Variants in WTIP observed in about 807,000 individuals in gnomAD.
WTIP encodes WT1 interacting protein, also known as Wilms tumor protein 1-interacting protein.
Under a neutral mutation model 41.7 loss-of-function variants are expected in WTIP, and 23 were observed. The ratio of observed to expected loss-of-function variants is 0.55; its 90% CI spans 0.40 to 0.78. The LOEUF (loss-of-function observed/expected upper bound fraction) is 0.78. Among genes scored for constraint, WTIP ranks in the 30% least tolerant of loss-of-function variants. WTIP has a pLI of 0.00. For missense variants in WTIP, 619 were observed against 610.5 expected (o/e 1.01, Z -0.15); for synonymous variants, 314 against 269.9 (o/e 1.16, Z -1.60).
At position 34,506,344 on chromosome 19, in the gene WTIP, G is replaced by A. The variant is rs543819527; in HGVS notation, c.*6075G>A. On this transcript the variant is annotated 3_prime_UTR_variant, in exon 8 of 8. Coordinates refer to ENST00000590071, the MANE Select transcript of WTIP (RefSeq NM_001080436.2). ...TTTAAAGAATAAACAGAAAGAAATC[G>A]GCTCTTTCACTTCTTGCAAGTTGGT... 4 of 152,220 alleles carry A rather than the reference G, an allele frequency of 2.6e-5. No individual in the cohort carries two copies. The highest frequency in any genetic ancestry group is 4.1e-4 in the South Asian group (2 of 4,820). The allele number at this position is 152,220 out of a possible 1,614,324, so 9.4% of individuals were successfully genotyped here. A position where few individuals can be genotyped will look rare whatever the true frequency, so the allele number is the denominator to read the frequency against.
chr19:34,500,374 C>G lies in WTIP; in HGVS notation c.*105C>G. On this transcript the variant is annotated 3_prime_UTR_variant, in exon 8 of 8. Coordinates refer to ENST00000590071, the MANE Select transcript of WTIP (RefSeq NM_001080436.2). ...AGGGGAGCTCCCTCCAATCAGTTTC[C>G]CACCGAGCTGCTGTCTGCAGGGGCC... 2 of 1,380,302 alleles carry G rather than the reference C, an allele frequency of 1.4e-6. No homozygotes were observed. The highest frequency in any genetic ancestry group is 1.9e-6 in the Non-Finnish European group (2 of 1,051,296). The allele number at this position is 1,380,302 out of a possible 1,614,324, so 85.5% of individuals were successfully genotyped here.
At chr19:34,487,302 A>T (rs10401642) in intron 1 of WTIP, among the ~76,000 whole-genome samples, 117,341 of 151,790 alleles carry the variant, frequency 0.77, 46,552 homozygotes, top group Non-Finnish European at 0.84. Flanking sequence ...AGGTTTCACC[A>T]TGTTGGCCAG....
In WTIP at chr19:34,506,802, A is replaced by G. The variant is rs971790426; in HGVS notation, c.*6533A>G. 3 of 150,872 alleles carry G rather than the reference A, an allele frequency of 2.0e-5. No homozygotes were observed. Among genetic ancestry groups the G allele is most frequent in the Non-Finnish European group, 2.9e-5 (2 of 67,852 alleles). 9.3% of individuals were successfully genotyped at this position (150,872 alleles called of 1,614,324 possible). A position where few individuals can be genotyped will look rare whatever the true frequency, so the allele number is the denominator to read the frequency against. On this transcript the variant is annotated 3_prime_UTR_variant, in exon 8 of 8. Coordinates refer to ENST00000590071, the MANE Select transcript of WTIP (RefSeq NM_001080436.2). Reference sequence around the variant, plus strand: ...TAAATAAATAAATAAATAAATGAATATAAATAAAACTGGTTAAAAATTGAG... The same window carrying G: ...TAAATAAATAAATAAATAAATGAATGTAAATAAAACTGGTTAAAAATTGAG...
In WTIP at chr19:34,482,074, C is replaced by T; in HGVS notation, c.100C>T (p.Arg34Trp). The change falls in exon 1 of 8, where the codon CGG becomes TGG. Residue 34 changes from arginine to tryptophan, a missense_variant. By Grantham distance (101) the Arg-to-Trp change is moderately radical. Coordinates refer to ENST00000590071, the MANE Select transcript of WTIP (RefSeq NM_001080436.2). ...EPGCGSPGRG[R>W]RGPRPGPGDE... Reference sequence around the variant, plus strand: ...CGGGTGCGGCTCTCCCGGTCGGGGGCGGCGGGGGCCGCGGCCTGGGCCTGG... The same window carrying T: ...CGGGTGCGGCTCTCCCGGTCGGGGGTGGCGGGGGCCGCGGCCTGGGCCTGG... 2 of 1,035,124 alleles carry T rather than the reference C, an allele frequency of 1.9e-6. No homozygotes were observed. Among genetic ancestry groups the T allele is most frequent in the East Asian group, 8.2e-5 (1 of 12,230 alleles). The allele number at this position is 1,035,124 out of a possible 1,614,324, so 64.1% of individuals were successfully genotyped here. A position where few individuals can be genotyped will look rare whatever the true frequency, so the allele number is the denominator to read the frequency against.
intron 7 of WTIP, among the ~76,000 whole-genome samples, chr19:34,495,998 A>G (rs2075851225): frequency 6.6e-6 from 1 of 152,092 alleles, no homozygotes; most frequent in Non-Finnish European, 1.5e-5. Flanking sequence ...CTCTACTAAA[A>G]ATACAAAAAT....
chr19:34,503,677 T>G lies in WTIP; in HGVS notation c.*3408T>G, dbSNP rs1017224861. On this transcript the variant is annotated 3_prime_UTR_variant, in exon 8 of 8. Transcript: ENST00000590071. The stretch of plus-strand genomic sequence containing the variant: ...AGTCTCCTGCCATCCCTGTCCCCGC[T>G]ATGCGGTGAGCTCTTCAGCTTGGGC... 1 of 152,870 alleles carries G rather than the reference T, an allele frequency of 6.5e-6. No homozygotes were observed. Among genetic ancestry groups the G allele is most frequent in the Non-Finnish European group, 1.5e-5 (1 of 68,560 alleles). The allele number at this position is 152,870 out of a possible 1,614,324, so 9.5% of individuals were successfully genotyped here. A position where few individuals can be genotyped will look rare whatever the true frequency, so the allele number is the denominator to read the frequency against.
chr19:34,495,867 T>G, intron 7 of WTIP, 96 bp downstream of exon 7: 1 of 1,327,732 alleles, frequency 7.5e-7, no homozygotes, highest in South Asian at 1.3e-5. Flanking sequence ...TTATCAAAAT[T>G]TTAGTTTTGC....
rs761774769 is a variant in WTIP, at chr19:34,493,578, C to T, written c.987C>T (p.Thr329=). The T allele has an allele frequency of 1.2e-5, 19 of 1,613,550 alleles. No individual in the cohort carries two copies. The highest frequency in any genetic ancestry group is 4.0e-5 in the African/African-American group (3 of 74,938). The part of the protein sequence containing the change: ...CNECLDGVPF[T]VDVENNIYCV... ...AGTGCCTGGACGGGGTTCCCTTCAC[C>T]GTGGACGTGGAGAACAACATCTACT... Residue 329 remains threonine (T), a synonymous_variant, in exon 5 of 8, where the codon ACC becomes ACT. Coordinates refer to ENST00000590071, the MANE Select transcript of WTIP (RefSeq NM_001080436.2). The surrounding 1 kb of genome is among the most constrained non-coding windows in gnomAD (Gnocchi z 4.1).
chr19:34,482,425 G>A lies in WTIP; in HGVS notation c.451G>A (p.Gly151Ser). ...CAGCGTTTCCAGCCTCGGCTCCCGG[G>A]GCTCGGCCGGCGCCTACGCTGACTT... ...RSSVSSLGSR[G>S]SAGAYADFLP... The change falls in exon 1 of 8, where the codon GGC (glycine) becomes AGC (serine). Residue 151 changes from glycine to serine, a missense_variant. Transcript: ENST00000590071. The A allele has an allele frequency of 3.7e-6, 5 of 1,346,258 alleles. No homozygotes were observed. The highest frequency in any genetic ancestry group is 4.8e-6 in the Non-Finnish European group (5 of 1,047,888). The allele number at this position is 1,346,258 out of a possible 1,614,324, so 83.4% of individuals were successfully genotyped here.
chr19:34,481,907 G>A lies in WTIP; in HGVS notation c.-68G>A. 1.1e-6 allele frequency: 1 copy of A among 935,362 alleles called. No homozygotes were observed. The highest frequency in any genetic ancestry group is 1.3e-6 in the Non-Finnish European group (1 of 785,514). The allele number at this position is 935,362 out of a possible 1,614,324, so 57.9% of individuals were successfully genotyped here. A position where few individuals can be genotyped will look rare whatever the true frequency, so the allele number is the denominator to read the frequency against. On this transcript the variant is annotated 5_prime_UTR_variant, in exon 1 of 8. Coordinates refer to ENST00000590071, the MANE Select transcript of WTIP (RefSeq NM_001080436.2). ...CTCCGGGCTTCGGGCGGACGATGCG[G>A]CGGCCCGGCCGGAGCGGCGGCGGGA...
rs1342502148 is a variant in WTIP at position 34,483,078 on chromosome 19, T to C, written c.667+437T>C. ...GGAGTGCAGCGGCGCGTCCTCGGCT[T>C]ACTGTAGCCGTCGCCTCTCAAGCTG... On this transcript the variant is annotated intron_variant, in intron 1 of 7. Coordinates refer to ENST00000590071, the MANE Select transcript of WTIP (RefSeq NM_001080436.2). Among the ~76,000 whole-genome samples the C allele has an allele frequency of 2.7e-5, 4 of 149,856 alleles. No individual in the cohort carries two copies. In the East Asian group the frequency reaches 7.8e-4, roughly 29 times the overall value.
In WTIP at chr19:34,494,648, C is replaced by T. The variant is rs1031430482; in HGVS notation, c.1083+11C>T. 1 of 1,612,570 alleles carries T rather than the reference C, an allele frequency of 6.2e-7. No homozygotes were observed. The highest frequency in any genetic ancestry group is 1.3e-5 in the African/African-American group (1 of 74,890). On this transcript the variant is annotated intron_variant, in intron 6 of 7. Coordinates refer to ENST00000590071, the MANE Select transcript of WTIP (RefSeq NM_001080436.2). The stretch of plus-strand genomic sequence containing the variant: ...ATCCTCCCTGCACAGGTAGGAGCCA[C>T]TCACCCAGAGATGATCAGGTGCCTG...
intron 1 of WTIP, among the ~76,000 whole-genome samples, chr19:34,487,951 G>A (rs1016813519): frequency 2.0e-5 from 3 of 152,190 alleles, no homozygotes; most frequent in Admixed American, 6.5e-5. Flanking sequence ...TGGCCCTGGC[G>A]TTGCTGGTCA....
chr19:34,493,742 C>T lies in WTIP; in HGVS notation c.1031+120C>T. 3 of 1,372,880 alleles carry T rather than the reference C, an allele frequency of 2.2e-6. No individual in the cohort carries two copies. The highest frequency in any genetic ancestry group is 3.0e-6 in the Non-Finnish European group (3 of 993,032). 85.0% of individuals were successfully genotyped at this position (1,372,880 alleles called of 1,614,324 possible). ...TTCTTGGCCTTTTGCCTTCCGCCTC[C>T]CCTTGTACACCTGGGCTTGGGGCAG... On this transcript the variant is annotated intron_variant, in intron 5 of 7. Transcript: ENST00000590071. This position sits in a 1 kb window ranked among gnomAD's most constrained non-coding sequence, Gnocchi z 4.1.
rs1055686080 is a variant in WTIP at position 34,501,119 on chromosome 19, T to G, written c.*850T>G. On this transcript the variant is annotated 3_prime_UTR_variant, in exon 8 of 8. Transcript: ENST00000590071. ...GGACAAGATTTGACTTAAATTAAGT[T>G]TTTCCCTTGAGGATATTTTCATTTT... 2 of 152,668 alleles carry G rather than the reference T, an allele frequency of 1.3e-5. No individual in the cohort carries two copies. The highest frequency in any genetic ancestry group is 2.9e-5 in the Non-Finnish European group (2 of 68,044). The allele number at this position is 152,668 out of a possible 1,614,324, so 9.5% of individuals were successfully genotyped here. A position where few individuals can be genotyped will look rare whatever the true frequency, so the allele number is the denominator to read the frequency against.
rs2075888693 is a variant in WTIP at position 34,501,827 on chromosome 19, T to TGG, written c.*1561_*1562dup. 1 of 152,486 alleles carries TGG rather than the reference T, an allele frequency of 6.6e-6. No individual in the cohort carries two copies. Among genetic ancestry groups the TGG allele is most frequent in the East Asian group, 1.9e-4 (1 of 5,208 alleles). 9.4% of individuals were successfully genotyped at this position (152,486 alleles called of 1,614,324 possible). A position where few individuals can be genotyped will look rare whatever the true frequency, so the allele number is the denominator to read the frequency against. ...GCGTGGAGAGCGCTGCATCTTAGAG[T>TGG]GGGGCCTTCAGCAGGACCAGGGGCC... On this transcript the variant is annotated 3_prime_UTR_variant, in exon 8 of 8. Transcript: ENST00000590071.
At chr19:34,490,626 AG>A in intron 2 of WTIP, 149 bp downstream of exon 2, 1 of 879,754 alleles carries the variant, frequency 1.1e-6, no homozygotes, top group Admixed American at 2.4e-5. Context: ...TCTGGGGAGG[AG>A]GCATGGGGCC....
At position 34,481,862 on chromosome 19, in the gene WTIP, C is replaced by T. The variant is rs1252019078; in HGVS notation, c.-113C>T. The T allele has an allele frequency of 3.4e-6, 2 of 583,582 alleles. No homozygotes were observed. Among genetic ancestry groups the T allele is most frequent in the Non-Finnish European group, 4.3e-6 (2 of 464,508 alleles). 36.2% of individuals were successfully genotyped at this position (583,582 alleles called of 1,614,324 possible). On this transcript the variant is annotated 5_prime_UTR_variant, in exon 1 of 8. Transcript: ENST00000590071. ...GGCGCCGGCCCCGCCCCGCCCCGCG[C>T]CCAGGGGTCCCGGGGCGGGCTCCGG... is the stretch of plus-strand genomic sequence containing the variant.
chr19:34,486,262 C>T (rs1568396850), intron 1 of WTIP, among the ~76,000 whole-genome samples: 1 of 152,242 alleles, frequency 6.6e-6, no homozygotes, highest in Admixed American at 6.5e-5. Flanking sequence ...GCCACTATAC[C>T]AGGCTGGGAA....
Sources: gnomAD v4.1 joint callset for allele counts (sites outside exome capture counted in the v4.1 genomes callset) on GRCh38, gnomAD v4.1.1 for gene constraint, Gnocchi (gnomAD v3.1) non-coding constraint, MANE v1.5 for transcripts, NCBI Gene and HGNC (gene_info 2026-07-23, HGNC 2026-07-21) for gene names.